DCDC1: variants seen among roughly 807,000 people sequenced by gnomAD.
DCDC1 encodes the protein doublecortin domain containing 1.
Under a neutral mutation model 178.3 loss-of-function variants are expected in DCDC1, and 200 were observed. The ratio of observed to expected loss-of-function variants is 1.12; its 90% CI spans 1.00 to 1.26. The LOEUF (loss-of-function observed/expected upper bound fraction) is 1.26, where lower values mean the gene tolerates loss of function less well. DCDC1 is among the 50% of genes most tolerant of loss of function. The pLI, the probability that DCDC1 is intolerant of heterozygous loss-of-function variation, is 0.00. For missense variants in DCDC1, 1,983 were observed against 1,749.2 expected (o/e 1.13, Z -2.38); for synonymous variants, 690 against 604.8 (o/e 1.14, Z -2.07).
intron 2 of DCDC1, among the ~76,000 whole-genome samples, chr11:31,329,046 C>T (rs1021708372): frequency 4.2e-5 from 6 of 142,790 alleles, no homozygotes; most frequent in Admixed American, 3.8e-4. Flanking sequence ...ATTATGTGGC[C>T]TTGCCTTCAA....
Position 30,894,353 on chromosome 11 carries a change from G to A in DCDC1, c.4797C>T (p.Thr1599=). 1 of 1,613,858 alleles carries A rather than the reference G, an allele frequency of 6.2e-7. No homozygotes were observed. The highest frequency in any genetic ancestry group is 8.5e-7 in the Non-Finnish European group (1 of 1,179,812). ...GRRVAACQPA[T]MVPTKSPVQP... is the part of the protein sequence containing the mutation. Reference sequence around the variant, plus strand: ...GCACAGGGCTCTTGGTAGGAACCATGGTGGCTGGCTGACATGCCGCTACTC... The same window carrying A: ...GCACAGGGCTCTTGGTAGGAACCATAGTGGCTGGCTGACATGCCGCTACTC... The change falls in exon 35 of 39, where the codon ACC becomes ACT. Residue 1599 remains threonine, a synonymous_variant. Transcript: ENST00000684477.
intron 9 of DCDC1, among the ~76,000 whole-genome samples, chr11:31,148,168 C>A (rs187345849): frequency 2.8e-5 from 4 of 142,840 alleles, no homozygotes; most frequent in African/African-American, 2.7e-5. Context: ...AATTTAGAAC[C>A]ATTTTCTCCA....
At chr11:30,976,077 C>G (rs1188808913) in intron 20 of DCDC1, among the ~76,000 whole-genome samples, 1 of 151,964 alleles carries the variant, frequency 6.6e-6, no homozygotes, top group East Asian at 1.9e-4. Flanking sequence ...CCAACAGATT[C>G]TTGACAAAGA....
chr11:31,025,444 C>T (rs1953159430), intron 20 of DCDC1, among the ~76,000 whole-genome samples: 1 of 151,750 alleles, frequency 6.6e-6, no homozygotes, highest in Non-Finnish European at 1.5e-5. Flanking sequence ...AATATAAAAA[C>T]ACTATGAAAT....
chr11:31,082,557 A>C (rs1957240832), intron 17 of DCDC1, among the ~76,000 whole-genome samples: 1 of 150,326 alleles, frequency 6.7e-6, no homozygotes, highest in Non-Finnish European at 1.5e-5. Context: ...ATACAGCTAT[A>C]TCGATATGTG....
intron 20 of DCDC1, among the ~76,000 whole-genome samples, chr11:31,012,808 A>T (rs1952254000): frequency 6.6e-6 from 1 of 152,164 alleles, no homozygotes; most frequent in African/African-American, 2.4e-5. Context: ...TGTTAGCAGG[A>T]GATTATTTAT....
intron 8 of DCDC1, among the ~76,000 whole-genome samples, chr11:31,258,341 ATC>A (rs1251240387): frequency 2.0e-5 from 3 of 152,194 alleles, no homozygotes; most frequent in Admixed American, 2.0e-4. Flanking sequence ...GATTGACTTC[ATC>A]TCTCTCACTA....
At chr11:31,031,913 A>C (rs1294684119) in intron 20 of DCDC1, among the ~76,000 whole-genome samples, 1 of 152,172 alleles carries the variant, frequency 6.6e-6, no homozygotes. Context: ...CTTATGCTAC[A>C]AATGTACCGA....
chr11:31,250,102 T>A (rs966012574), intron 8 of DCDC1, among the ~76,000 whole-genome samples: 1 of 151,908 alleles, frequency 6.6e-6, no homozygotes, highest in Non-Finnish European at 1.5e-5. Flanking sequence ...TACCATCTAT[T>A]GTCTTTAAGA....
In DCDC1 at chr11:31,180,299, C is replaced by T. The variant is rs912516296; in HGVS notation, c.1222-42515G>A. On this transcript the variant is annotated intron_variant, in intron 9 of 38. Coordinates refer to ENST00000684477, the MANE Select transcript of DCDC1 (RefSeq NM_001387274.1). ...TAGAAGACAGGCTTTTGAATATTCT[C>T]ACCACAAAGAAATAATTAATGTATG... Among the ~76,000 whole-genome samples, 5 of 152,138 alleles carry T rather than the reference C, an allele frequency of 3.3e-5. No individual in the cohort carries two copies. The East Asian group carries it at 5.8e-4, about 18-fold the overall frequency.
At chr11:31,146,310 T>C (rs575851325) in intron 9 of DCDC1, among the ~76,000 whole-genome samples, 3 of 152,214 alleles carry the variant, frequency 2.0e-5, no homozygotes, top group Admixed American at 2.0e-4. Context: ...GGTCTTGAAC[T>C]CCTGACCTCA....
chr11:31,212,618 T>A (rs1003384006), intron 9 of DCDC1, among the ~76,000 whole-genome samples: 7 of 152,118 alleles, frequency 4.6e-5, no homozygotes, highest in African/African-American at 7.2e-5. Flanking sequence ...TCAAATGAGA[T>A]TTTTTTAAAT....
intron 9 of DCDC1, among the ~76,000 whole-genome samples, chr11:31,175,636 C>T (rs1026510455): frequency 1.3e-5 from 2 of 152,220 alleles, no homozygotes; most frequent in African/African-American, 4.8e-5. Flanking sequence ...TCAACAGGAA[C>T]CATCACTTCC....
intron 9 of DCDC1, among the ~76,000 whole-genome samples, chr11:31,239,656 A>C (rs1976872901): frequency 6.6e-6 from 1 of 151,976 alleles, no homozygotes; most frequent in Non-Finnish European, 1.5e-5. Flanking sequence ...TTTAGGAGAA[A>C]TGGCAAAGAG....
chr11:30,917,096 G>T (rs1945898860), intron 25 of DCDC1, 68 bp from the exon 26 acceptor site: 1 of 1,457,192 alleles, frequency 6.9e-7, no homozygotes, highest in Non-Finnish European at 9.1e-7. Context: ...TTTTTTCTGA[G>T]GTGTAGTCTG....
chr11:31,075,993 G>T (rs1162166859), intron 18 of DCDC1, among the ~76,000 whole-genome samples: 1 of 152,160 alleles, frequency 6.6e-6, no homozygotes, highest in Non-Finnish European at 1.5e-5. Flanking sequence ...CCCAGTAGCT[G>T]GGATTACAGG....
At chr11:31,262,269 G>GGA (rs1555152597) in intron 8 of DCDC1, among the ~76,000 whole-genome samples, 11 of 141,160 alleles carry the variant, frequency 7.8e-5, no homozygotes, top group African/African-American at 2.6e-4. Flanking sequence ...CTTGTCTCAG[G>GGA]AAAAAAAAAA....
intron 2 of DCDC1, 106 bp from the exon 3 acceptor site, chr11:31,328,392 G>A (rs1241689589): frequency 8.9e-7 from 1 of 1,127,654 alleles, no homozygotes; most frequent in Non-Finnish European, 1.2e-6. Flanking sequence ...TGTGATTCTA[G>A]ACCATATAGC....
At chr11:30,883,904 G>A (rs949633181) in intron 36 of DCDC1, among the ~76,000 whole-genome samples, 6 of 151,716 alleles carry the variant, frequency 4.0e-5, no homozygotes, top group Non-Finnish European at 8.8e-5. Context: ...AACATGATAC[G>A]CCTGCTACAA....
Sources: gnomAD v4.1 joint callset for allele counts (sites outside exome capture counted in the v4.1 genomes callset) on GRCh38, gnomAD v4.1.1 for gene constraint, MANE v1.5 for transcripts, NCBI Gene and HGNC (gene_info 2026-07-23, HGNC 2026-07-21) for gene names.